HIVEP3: variants seen among roughly 807,000 people sequenced by gnomAD.
The protein encoded by HIVEP3 is HIVEP zinc finger 3, also known as transcription factor HIVEP3.
HIVEP3 carries 49 observed loss-of-function variants against 152.8 expected under a neutral mutation model. The ratio of observed to expected loss-of-function variants is 0.32; its 90% CI spans 0.26 to 0.41. The LOEUF (loss-of-function observed/expected upper bound fraction) is 0.41. Ranked by LOEUF, HIVEP3 falls within the 10% of genes least tolerant of loss-of-function variation. The pLI, the probability that HIVEP3 is intolerant of heterozygous loss-of-function variation, is 1.00. For synonymous variants in HIVEP3, 1,269 were observed against 1,289.0 expected (o/e 0.98, Z 0.33); for missense variants, 2,790 against 3,103.3 (o/e 0.90, Z 2.40).
At chr1:41,824,802 GAGAGAGAGAGAGAGAGAA>G (rs766203582) in intron 1 of HIVEP3, among the ~76,000 whole-genome samples, 5,783 of 26,720 alleles carry the variant, frequency 0.22, 321 homozygotes, top group East Asian at 0.4. Context: ...GAGAGAGAGA[GAGAGAGAGAGAGAGAGAA>G]AGAGAGAGAG....
chr1:41,945,636 T>C (rs1645070576), intron 1 of HIVEP3, among the ~76,000 whole-genome samples: 1 of 152,150 alleles, frequency 6.6e-6, no homozygotes, highest in Admixed American at 6.5e-5. Context: ...GTTCCCAGTG[T>C]AGACCCTCAC....
chr1:41,637,731 C>G (rs1169484578), intron 2 of HIVEP3, among the ~76,000 whole-genome samples: 1 of 152,212 alleles, frequency 6.6e-6, no homozygotes, highest in African/African-American at 2.4e-5. Context: ...AACATGCGTT[C>G]TTGTTTCTAC....
intron 1 of HIVEP3, among the ~76,000 whole-genome samples, chr1:41,812,364 G>C (rs762784461): frequency 6.6e-6 from 1 of 152,128 alleles, no homozygotes; most frequent in Non-Finnish European, 1.5e-5. Context: ...TTAGGGCCAG[G>C]AGTTCAAGGC....
intron 1 of HIVEP3, among the ~76,000 whole-genome samples, chr1:41,967,383 A>C (rs1351692037): frequency 6.6e-6 from 1 of 152,234 alleles, no homozygotes; most frequent in Non-Finnish European, 1.5e-5. Context: ...ATTACAACTC[A>C]AGATTAAGAA....
At chr1:41,788,732 C>T (rs184336389) in intron 1 of HIVEP3, among the ~76,000 whole-genome samples, 1 of 152,356 alleles carries the variant, frequency 6.6e-6, no homozygotes, top group East Asian at 1.9e-4. Context: ...GTAAATCCTT[C>T]TGCTAGGAAT....
intron 1 of HIVEP3, among the ~76,000 whole-genome samples, chr1:41,993,065 A>T (rs374500923): frequency 4.6e-5 from 7 of 150,584 alleles, no homozygotes; most frequent in African/African-American, 1.7e-4. Flanking sequence ...AACCTAGGCA[A>T]TACCATTCAG....
intron 3 of HIVEP3, among the ~76,000 whole-genome samples, chr1:41,606,973 T>C (rs1444685092): frequency 6.6e-6 from 1 of 152,006 alleles, no homozygotes; most frequent in Non-Finnish European, 1.5e-5. Context: ...AAAATCTGTG[T>C]GTGTTTCTTT....
rs1415729022 is a variant in HIVEP3 at position 41,873,439 on chromosome 1, C to A, written c.-801+44974G>T. 6.6e-6 allele frequency among the ~76,000 whole-genome samples: 1 copy of A among 152,120 alleles called. No individual in the cohort carries two copies. Among genetic ancestry groups the A allele is most frequent in the African/African-American group, 2.4e-5 (1 of 41,420 alleles). ...TCTCAGCTTTGGGCCTCAGCTAAGG[C>A]CAGGACAAGCATCATTTAATGTCAT... On this transcript the variant is annotated intron_variant, in intron 1 of 8. Coordinates refer to ENST00000372583, the MANE Select transcript of HIVEP3 (RefSeq NM_024503.5). This position sits in a 1 kb window ranked among gnomAD's most constrained non-coding sequence, Gnocchi z 4.2.
At chr1:41,616,914 C>T (rs1448514387) in intron 3 of HIVEP3, among the ~76,000 whole-genome samples, 2 of 152,194 alleles carry the variant, frequency 1.3e-5, no homozygotes, top group East Asian at 1.9e-4. Flanking sequence ...AGTTACTGCT[C>T]CTAACAAGCT....
intron 1 of HIVEP3, among the ~76,000 whole-genome samples, chr1:41,715,889 C>A (rs1459778907): frequency 3.9e-5 from 6 of 152,240 alleles, no homozygotes; most frequent in Admixed American, 3.9e-4. Flanking sequence ...AAACCGAAAG[C>A]CACAGAGGAA....
intron 1 of HIVEP3, among the ~76,000 whole-genome samples, chr1:41,905,396 A>C (rs1237228286): frequency 6.6e-6 from 1 of 152,200 alleles, no homozygotes; most frequent in African/African-American, 2.4e-5. Context: ...GCAACAGAGC[A>C]GTTGATGGAG....
At chr1:41,917,041 C>A (rs950534806) in intron 1 of HIVEP3, among the ~76,000 whole-genome samples, 1 of 152,132 alleles carries the variant, frequency 6.6e-6, no homozygotes, top group Non-Finnish European at 1.5e-5. Flanking sequence ...CGATCACTGA[C>A]CTGTATTCTT....
At chr1:41,703,381 C>T (rs1646390298) in intron 1 of HIVEP3, among the ~76,000 whole-genome samples, 6 of 152,182 alleles carry the variant, frequency 3.9e-5, no homozygotes, top group Admixed American at 3.3e-4. Flanking sequence ...TATGAGAGCC[C>T]TAACAGTGTG....
chr1:41,917,324 G>A (rs1008805720), intron 1 of HIVEP3, among the ~76,000 whole-genome samples: 1 of 152,048 alleles, frequency 6.6e-6, no homozygotes, highest in African/African-American at 2.4e-5. Flanking sequence ...CACCCAAAAT[G>A]CACACCAGAG....
In HIVEP3 at chr1:41,551,537, T is replaced by A. The variant is rs1208804074; in HGVS notation, c.5207+24007A>T. On this transcript the variant is annotated intron_variant, in intron 5 of 8. Coordinates refer to ENST00000372583, the MANE Select transcript of HIVEP3 (RefSeq NM_024503.5). ...CTGTTTTTGGTTGGTAGGCTATTAATTATTGCCTCAATTTCAGAGCCTGTT... is the reference window on the plus strand; with the variant it reads ...CTGTTTTTGGTTGGTAGGCTATTAAATATTGCCTCAATTTCAGAGCCTGTT... Among the ~76,000 whole-genome samples, 3 of 152,352 alleles carry A rather than the reference T, an allele frequency of 2.0e-5. No homozygotes were observed. In the South Asian group the frequency reaches 6.2e-4, roughly 32 times the overall value.
chr1:41,519,378 CACA>C (rs992897416), intron 6 of HIVEP3, among the ~76,000 whole-genome samples: 1 of 152,200 alleles, frequency 6.6e-6, no homozygotes, highest in African/African-American at 2.4e-5. Flanking sequence ...CCAACAGGTG[CACA>C]ACATTTCACA....
intron 1 of HIVEP3, among the ~76,000 whole-genome samples, chr1:41,813,034 C>CTATTT (rs1005570676): frequency 3.9e-5 from 6 of 152,222 alleles, no homozygotes; most frequent in Admixed American, 6.5e-5. Context: ...TTCATTTTAT[C>CTATTT]TATTTTATTT....
intron 1 of HIVEP3, among the ~76,000 whole-genome samples, chr1:41,738,690 C>A (rs1010751377): frequency 1.3e-5 from 2 of 152,202 alleles, no homozygotes; most frequent in Non-Finnish European, 2.9e-5. Flanking sequence ...CCAAGCTCTG[C>A]TGCTGTGTAA....
intron 1 of HIVEP3, among the ~76,000 whole-genome samples, chr1:41,839,197 G>A (rs1643213550): frequency 1.3e-5 from 2 of 152,098 alleles, no homozygotes; most frequent in Admixed American, 1.3e-4. Flanking sequence ...AGGGAAGGTG[G>A]AGCCCTGAGA....
Sources: allele counts gnomAD v4.1 joint callset (sites outside exome capture counted in the v4.1 genomes callset), GRCh38; gene constraint gnomAD v4.1.1; non-coding constraint Gnocchi (gnomAD v3.1); transcripts MANE v1.5; gene names NCBI Gene and HGNC (gene_info 2026-07-23, HGNC 2026-07-21).